The following ACER3 variants were observed in gnomAD, a reference collection of about 807,000 sequenced individuals.
ACER3 encodes the protein alkCDase 3.
A neutral mutation model predicts 48.9 loss-of-function variants in ACER3; 16 were observed. The observed-to-expected ratio is 0.33, with a 90% confidence interval of 0.22 to 0.50. The LOEUF (loss-of-function observed/expected upper bound fraction) is 0.50. Ranked by LOEUF, ACER3 falls within the 20% of genes least tolerant of loss-of-function variation. The pLI is 0.98. For synonymous variants in ACER3, 109 were observed against 107.8 expected (o/e 1.01, Z -0.07); for missense variants, 227 against 326.0 (o/e 0.70, Z 2.34).
At chr11:76,887,599 T>C (rs1334676794) in intron 1 of ACER3, among the ~76,000 whole-genome samples, 1 of 152,130 alleles carries the variant, frequency 6.6e-6, no homozygotes, top group Non-Finnish European at 1.5e-5. Flanking sequence ...GTAATAGGAT[T>C]GTTGTGAAGG....
At chr11:76,989,517 G>A (rs548598943) in intron 5 of ACER3, among the ~76,000 whole-genome samples, 1 of 152,296 alleles carries the variant, frequency 6.6e-6, no homozygotes, top group East Asian at 1.9e-4. Context: ...CTTCAAGAAG[G>A]AGGTATAGTT....
At chr11:77,006,553 C>T (rs1193818671) in intron 7 of ACER3, among the ~76,000 whole-genome samples, 1 of 151,904 alleles carries the variant, frequency 6.6e-6, no homozygotes, top group Non-Finnish European at 1.5e-5. Flanking sequence ...TTTCCTTCAC[C>T]TAAGAATGTC....
chr11:76,983,727 T>G (rs1303418841), intron 4 of ACER3, among the ~76,000 whole-genome samples: 1 of 152,198 alleles, frequency 6.6e-6, no homozygotes, highest in Admixed American at 6.5e-5. Context: ...AACTTATTCA[T>G]TTTTCTGTTG....
At chr11:76,919,000 T>C (rs2134771293) in intron 1 of ACER3, among the ~76,000 whole-genome samples, 1 of 152,312 alleles carries the variant, frequency 6.6e-6, no homozygotes, top group Admixed American at 6.5e-5. Context: ...TGGGGAAAAG[T>C]GCTGGGTTGC....
rs782201351 is a variant in ACER3 at position 77,021,328 on chromosome 11, A to T, written c.*1001A>T. The T allele has an allele frequency of 1.3e-5, 2 of 152,220 alleles. No individual in the cohort carries two copies. Among genetic ancestry groups the T allele is most frequent in the African/African-American group, 2.4e-5 (1 of 41,462 alleles). 9.4% of individuals were successfully genotyped at this position (152,220 alleles called of 1,614,324 possible). On this transcript the variant is annotated 3_prime_UTR_variant, in exon 11 of 11. Transcript: ENST00000532485. Reference sequence around the variant, plus strand: ...TCAGAATCCTATTTACATAAAGCATATTAAAATATCTGCTCCTTAATTTTC... The same window carrying T: ...TCAGAATCCTATTTACATAAAGCATTTTAAAATATCTGCTCCTTAATTTTC...
chr11:76,870,894 T>G (rs1415606808), intron 1 of ACER3, among the ~76,000 whole-genome samples: 2 of 152,236 alleles, frequency 1.3e-5, no homozygotes, highest in African/African-American at 4.8e-5. Flanking sequence ...TTTTGAAATA[T>G]TAAAAATAGC....
chr11:77,002,000 G>A (rs1337247711), intron 7 of ACER3, among the ~76,000 whole-genome samples: 2 of 152,062 alleles, frequency 1.3e-5, no homozygotes, highest in African/African-American at 4.8e-5. Context: ...ACAGAGAGAA[G>A]GTGTTCATTT....
At chr11:77,008,063 AAAT>A (rs1403988753) in intron 7 of ACER3, among the ~76,000 whole-genome samples, 2 of 152,148 alleles carry the variant, frequency 1.3e-5, no homozygotes, top group Non-Finnish European at 2.9e-5. Flanking sequence ...TATCAATTTA[AAAT>A]AATATTAATT....
chr11:76,936,516 A>G (rs921057015), intron 2 of ACER3, among the ~76,000 whole-genome samples: 2 of 152,222 alleles, frequency 1.3e-5, no homozygotes, highest in Non-Finnish European at 2.9e-5. Context: ...AAATTCAGGT[A>G]TAAGAAAGGA....
intron 1 of ACER3, among the ~76,000 whole-genome samples, chr11:76,908,436 A>T (rs1236037501): frequency 7.3e-6 from 1 of 137,426 alleles, no homozygotes; most frequent in Non-Finnish European, 1.6e-5. Flanking sequence ...AATCACAAGC[A>T]TCCCTATACA....
At chr11:76,977,250 C>T (rs1254585570) in intron 4 of ACER3, among the ~76,000 whole-genome samples, 2 of 152,198 alleles carry the variant, frequency 1.3e-5, no homozygotes, top group African/African-American at 4.8e-5. Flanking sequence ...GGAAATATAT[C>T]ATGATGGAGA....
At position 77,025,408 on chromosome 11, in the gene ACER3, A is replaced by ATATATATATATATATT. The variant is rs1555025501; in HGVS notation, c.*5084_*5085insATATATATATATTTAT. The ATATATATATATATATT allele has an allele frequency of 6.9e-6, 1 of 144,114 alleles. No homozygotes were observed. The highest frequency in any genetic ancestry group is 2.6e-5 in the African/African-American group (1 of 37,888). The allele number at this position is 144,114 out of a possible 1,614,324, so 8.9% of individuals were successfully genotyped here. ...TTTTATTCTTTATATATATATATAT[A>ATATATATATATATATT]TATTTATTTATTTTTTTGAGACAGA... On this transcript the variant is annotated 3_prime_UTR_variant, in exon 11 of 11. Coordinates refer to ENST00000532485, the MANE Select transcript of ACER3 (RefSeq NM_018367.7).
In ACER3 at chr11:77,016,683, G is replaced by A. The variant is rs781838638; in HGVS notation, c.608G>A (p.Arg203Gln). ...NIFCESLRNF[R>Q]KKVPPIIGIT... Reference sequence around the variant, plus strand: ...TCCCTCTCTCCACACAGGAACTTTCGAAAGAAGGTACCACCTATCATAGGT... The same window carrying A: ...TCCCTCTCTCCACACAGGAACTTTCAAAAGAAGGTACCACCTATCATAGGT... Residue 203 changes from arginine to glutamine, a missense_variant, in exon 9 of 11, where the codon CGA (arginine) becomes CAA (glutamine). Physicochemically the swap from Arg to Gln is conservative, Grantham distance 43. Transcript: ENST00000532485. 15 of 1,567,828 alleles carry A rather than the reference G, an allele frequency of 9.6e-6. No homozygotes were observed. The highest frequency in any genetic ancestry group is 1.8e-5 in the Admixed American group (1 of 54,770).
intron 10 of ACER3, 35 bp from the exon 11 acceptor site, chr11:77,020,239 C>A (rs1234084176): frequency 6.2e-7 from 1 of 1,604,900 alleles, no homozygotes; most frequent in Non-Finnish European, 8.5e-7. Context: ...ACAATTCTGT[C>A]TTTTCTCATT....
At chr11:76,878,528 A>G (rs2134563864) in intron 1 of ACER3, among the ~76,000 whole-genome samples, 1 of 152,108 alleles carries the variant, frequency 6.6e-6, no homozygotes, top group South Asian at 2.1e-4. Context: ...GTTTCTTTTG[A>G]TTGCTGAGTG....
intron 3 of ACER3, among the ~76,000 whole-genome samples, chr11:76,970,908 A>G (rs926154813): frequency 6.6e-6 from 1 of 152,190 alleles, no homozygotes; most frequent in Non-Finnish European, 1.5e-5. Context: ...ACCCCTGACA[A>G]TCACTCTCTT....
chr11:76,978,733 G>T, intron 4 of ACER3: 1 of 154,656 alleles, frequency 6.5e-6, no homozygotes, highest in South Asian at 2.0e-4. Flanking sequence ...CCCAGACCTA[G>T]GGGCTCCGCG....
At chr11:76,919,957 C>T (rs1419097152) in intron 1 of ACER3, among the ~76,000 whole-genome samples, 1 of 152,168 alleles carries the variant, frequency 6.6e-6, no homozygotes, top group Non-Finnish European at 1.5e-5. Context: ...GTTCAACATT[C>T]ATTGCATGGT....
chr11:77,005,539 C>CT (rs1193440055), intron 7 of ACER3, among the ~76,000 whole-genome samples: 1 of 152,070 alleles, frequency 6.6e-6, no homozygotes, highest in East Asian at 1.9e-4. Context: ...GGCTAGAAGT[C>CT]CCAGATGAAA....
Sources: gnomAD v4.1 joint callset for allele counts (sites outside exome capture counted in the v4.1 genomes callset) on GRCh38, gnomAD v4.1.1 for gene constraint, MANE v1.5 for transcripts, NCBI Gene and HGNC (gene_info 2026-07-23, HGNC 2026-07-21) for gene names.